ALG13: variants seen among roughly 807,000 people sequenced by gnomAD.
ALG13 encodes the protein UDP-N-acetylglucosamine transferase subunit ALG13.
A neutral mutation model predicts 87.8 loss-of-function variants in ALG13; 11 were observed. That is an observed-to-expected ratio of 0.13 (90% CI 0.08 to 0.21). The LOEUF (loss-of-function observed/expected upper bound fraction) is 0.21, where lower values mean the gene tolerates loss of function less well. ALG13 is among the 10% of genes least tolerant of loss of function. The pLI, the probability that ALG13 is intolerant of heterozygous loss-of-function variation, is 1.00. For synonymous variants in ALG13, 320 were observed against 306.3 expected, an observed-to-expected ratio of 1.04 and a Z score of -0.47; for missense variants, 756 against 866.1, an observed-to-expected ratio of 0.87 and a Z score of 1.60.
intron 15 of ALG13, among the ~76,000 whole-genome samples, chrX:111,725,871 G>C (rs1941941249): frequency 1.8e-5 from 2 of 112,555 alleles, no homozygotes; most frequent in African/African-American, 6.5e-5. Context: ...GAAGCAGCCA[G>C]GGATATTAAC....
intron 18 of ALG13, 111 bp from the exon 19 acceptor site, chrX:111,728,074 G>A: frequency 4.2e-6 from 4 of 942,805 alleles, no homozygotes; most frequent in Non-Finnish European, 6.0e-6. Context: ...TCTTACAATA[G>A]CAGTTCACAT....
chrX:111,712,711 C>A, intron 7 of ALG13, among the ~76,000 whole-genome samples, 181 bp downstream of exon 7: 1 of 111,689 alleles, frequency 9.0e-6, no homozygotes, highest in Non-Finnish European at 1.9e-5. Flanking sequence ...AAGAATGTTT[C>A]ATGGGATGGA....
intron 3 of ALG13, among the ~76,000 whole-genome samples, chrX:111,700,785 G>A (rs1346514980): frequency 2.0e-5 from 2 of 99,531 alleles, no homozygotes; most frequent in East Asian, 6.3e-4. Flanking sequence ...TAGAGATGCG[G>A]TTTCACTATG....
intron 10 of ALG13, among the ~76,000 whole-genome samples, 166 bp downstream of exon 10, chrX:111,718,440 A>T (rs1487880853): frequency 9.0e-6 from 1 of 111,284 alleles, no homozygotes; most frequent in Non-Finnish European, 1.9e-5. Flanking sequence ...TACCAAAGAG[A>T]TGTGTCGTGA....
rs190235534 is a variant in ALG13 at position 111,724,172 on chromosome X, T to C, written c.1601+274T>C. ...AATTCTGATACAAAACTGTTCATAG[T>C]AATTGCAAAGTTGAATTAATAACTG... On this transcript the variant is annotated intron_variant, in intron 14 of 26. Coordinates refer to ENST00000394780, the MANE Select transcript of ALG13 (RefSeq NM_001099922.3). Among the ~76,000 whole-genome samples, 767 of 112,476 alleles carry C rather than the reference T, an allele frequency of 6.8e-3. 4 individuals carry two copies. Among genetic ancestry groups the C allele is most frequent in the Admixed American group, 0.011 (122 of 10,614 alleles).
chrX:111,710,371 C>G (rs1183178273), intron 5 of ALG13, among the ~76,000 whole-genome samples: 1 of 111,275 alleles, frequency 9.0e-6, no homozygotes, highest in African/African-American at 3.3e-5. Flanking sequence ...GTAATGCTTG[C>G]TATTGGTTTG....
chrX:111,713,829 A>G (rs1485980609), intron 8 of ALG13, among the ~76,000 whole-genome samples: 1 of 112,146 alleles, frequency 8.9e-6, no homozygotes, highest in East Asian at 2.8e-4. Context: ...GACAGTGTCT[A>G]CTACTGCCTG....
intron 24 of ALG13, among the ~76,000 whole-genome samples, chrX:111,746,632 A>G (rs1002533593): frequency 8.9e-6 from 1 of 112,252 alleles, no homozygotes; most frequent in Non-Finnish European, 1.9e-5. Context: ...CTAACAAAAA[A>G]AGCTGCTATG....
intron 23 of ALG13, among the ~76,000 whole-genome samples, chrX:111,742,738 C>T (rs1943871087): frequency 8.9e-6 from 1 of 112,480 alleles, no homozygotes; most frequent in Non-Finnish European, 1.9e-5. Context: ...GGCCTTGGCC[C>T]TGGTCTGTGA....
intron 3 of ALG13, chrX:111,689,388 A>T (rs1322244470): frequency 8.0e-6 from 6 of 751,674 alleles, no homozygotes; most frequent in Non-Finnish European, 9.4e-6. Context: ...TTTATGATGA[A>T]GAATTAAAGA....
At chrX:111,718,063 A>C (rs750010307) in intron 9 of ALG13, 49 bp from the exon 10 acceptor site, 2 of 1,113,351 alleles carry the variant, frequency 1.8e-6, no homozygotes. Context: ...TCACATAGTT[A>C]ATATAAATCT....
At chrX:111,757,532 TTAAGAA>T in intron 25 of ALG13, 50 bp from the exon 26 acceptor site, 1 of 914,765 alleles carries the variant, frequency 1.1e-6, no homozygotes, top group Non-Finnish European at 1.5e-6. Flanking sequence ...CTGTATTACA[TTAAGAA>T]TAGAGAAGAG....
Position 111,711,689 on chromosome X carries a change from T to G in ALG13, c.849T>G (p.Ser283=). 1 of 1,208,828 alleles carries G rather than the reference T, an allele frequency of 8.3e-7. No homozygotes were observed. Among genetic ancestry groups the G allele is most frequent in the South Asian group, 1.8e-5 (1 of 56,364 alleles). ...QQTFESYVEG[S]FEKYLERLGD... ...TATTTTTGAAGTATGTGGAGGGATCTTTTGAGAAATACCTGGAACGGTTGG... is the reference window on the plus strand; with the variant it reads ...TATTTTTGAAGTATGTGGAGGGATCGTTTGAGAAATACCTGGAACGGTTGG... The change falls in exon 6 of 27, where the codon TCT becomes TCG. Residue 283 remains serine, a synonymous_variant. Coordinates refer to ENST00000394780, the MANE Select transcript of ALG13 (RefSeq NM_001099922.3).
At chrX:111,755,837 A>G (rs1456840244) in intron 25 of ALG13, among the ~76,000 whole-genome samples, 3 of 112,593 alleles carry the variant, frequency 2.7e-5, no homozygotes, top group African/African-American at 6.4e-5. Flanking sequence ...AATTAGTTCA[A>G]CCATTGTGGA....
chrX:111,703,185 G>GTCATCATCA (rs747566924), intron 3 of ALG13, among the ~76,000 whole-genome samples: 1 of 107,837 alleles, frequency 9.3e-6, no homozygotes, highest in African/African-American at 3.4e-5. Context: ...TTTTTATATT[G>GTCATCATCA]TCATCATCAT....
chrX:111,724,356 T>C (rs940372705), intron 14 of ALG13, among the ~76,000 whole-genome samples: 9 of 111,866 alleles, frequency 8.0e-5, no homozygotes, highest in African/African-American at 2.6e-4. Context: ...ATTTTAATTT[T>C]GGACAAGTTT....
intron 3 of ALG13, among the ~76,000 whole-genome samples, chrX:111,696,452 A>T (rs1468511593): frequency 9.0e-6 from 1 of 111,728 alleles, no homozygotes; most frequent in Non-Finnish European, 1.9e-5. Flanking sequence ...TCATGATACC[A>T]TATTGCCTCT....
chrX:111,684,909 G>A (rs753749678), intron 2 of ALG13, 56 bp from the exon 3 acceptor site: 4 of 1,111,859 alleles, frequency 3.6e-6, no homozygotes, highest in Non-Finnish European at 4.8e-6. Context: ...ATAAAGCTTC[G>A]TGGGGACCTT....
At position 111,759,882 on chromosome X, in the gene ALG13, T is replaced by A. The variant is rs1038668048; in HGVS notation, c.3297T>A (p.His1099Gln). The change falls in exon 27 of 27, where the codon CAT becomes CAA. Residue 1099 changes from histidine (H) to glutamine (Q), a missense_variant. Around this residue, in one of 9 missense-constraint regions of ALG13, gnomAD observed 110 missense variants for 104.9 expected, o/e 1.05. Transcript: ENST00000394780. ...VPDYSCVPPW[H>Q]PVGTAYGGSS... is the part of the protein sequence containing the mutation. The stretch of plus-strand genomic sequence containing the variant: ...ATTATTCCTGTGTTCCCCCCTGGCA[T>A]CCAGTTGGTACAGCATATGGTGGTT... 8.3e-6 allele frequency: 10 copies of A among 1,208,946 alleles called. No individual in the cohort carries two copies. The African/African-American group carries it at 1.6e-4, about 19-fold the overall frequency.
Sources: gnomAD v4.1 joint callset for allele counts (sites outside exome capture counted in the v4.1 genomes callset) on GRCh38, gnomAD v4.1.1 for gene constraint, gnomAD v4.1.1 regional missense constraint, MANE v1.5 for transcripts, NCBI Gene and HGNC (gene_info 2026-07-23, HGNC 2026-07-21) for gene names.